LRRC1: variants seen among roughly 807,000 people sequenced by gnomAD.
LRRC1 encodes leucine-rich repeat-containing protein 1.
A neutral mutation model predicts 69.9 loss-of-function variants in LRRC1; 28 were observed. That is an observed-to-expected ratio of 0.40 (90% CI 0.30 to 0.55). The LOEUF (loss-of-function observed/expected upper bound fraction) is 0.55, where lower values mean the gene tolerates loss of function less well. LRRC1 is among the 20% of genes least tolerant of loss of function. The pLI, the probability that LRRC1 is intolerant of heterozygous loss-of-function variation, is 0.47. For missense variants in LRRC1, 498 were observed against 609.0 expected (o/e 0.82, Z 1.92); for synonymous variants, 236 against 240.2 (o/e 0.98, Z 0.16).
intron 10 of LRRC1, chr6:53,904,871 A>G (rs963392758): frequency 6.4e-6 from 1 of 156,406 alleles, no homozygotes; most frequent in Non-Finnish European, 1.4e-5. Context: ...TCTTGATGCA[A>G]CCATATTTCT....
intron 10 of LRRC1, among the ~76,000 whole-genome samples, chr6:53,908,619 T>TA (rs1293004528): frequency 6.6e-6 from 1 of 152,100 alleles, no homozygotes; most frequent in Non-Finnish European, 1.5e-5. Flanking sequence ...AAATAAGTCA[T>TA]AAAAAATAGT....
At position 53,822,442 on chromosome 6, in the gene LRRC1, G is replaced by A. The variant is rs1037068510; in HGVS notation, c.160-19668G>A. On this transcript the variant is annotated intron_variant, in intron 1 of 13. Transcript: ENST00000370888. ...CTATAGACTAACCCAGGAGGATAGC[G>A]TTAGCATTTTGAGAGCCAGGAAAGT... Among the ~76,000 whole-genome samples the A allele has an allele frequency of 5.3e-5, 8 of 152,188 alleles. No homozygotes were observed. The South Asian group carries it at 1.7e-3, about 32-fold the overall frequency.
In LRRC1 at chr6:53,919,540, G is replaced by A; in HGVS notation, c.1149G>A (p.Lys383=). The part of the protein sequence containing the change: ...LPLSLTALKL[K]ALWLSDNQSQ... ...TATCCCTGACTGCCTTGAAGTTGAA[G>A]GCTCTGTGGCTATCTGACAACCAGT... is the stretch of plus-strand genomic sequence containing the variant. The change falls in exon 12 of 14, where the codon AAG becomes AAA. Residue 383 remains lysine, a synonymous_variant. Transcript: ENST00000370888. 1 of 1,609,104 alleles carries A rather than the reference G, an allele frequency of 6.2e-7. No homozygotes were observed. The highest frequency in any genetic ancestry group is 8.5e-7 in the Non-Finnish European group (1 of 1,178,350).
intron 2 of LRRC1, among the ~76,000 whole-genome samples, chr6:53,848,468 CTGA>C (rs2127418398): frequency 6.6e-6 from 1 of 152,278 alleles, no homozygotes; most frequent in African/African-American, 2.4e-5. Context: ...ATTTCAAACG[CTGA>C]AAACGTTGGG....
At chr6:53,862,517 G>A (rs375479228) in intron 2 of LRRC1, among the ~76,000 whole-genome samples, 2 of 152,288 alleles carry the variant, frequency 1.3e-5, no homozygotes, top group East Asian at 1.9e-4. Context: ...CTCCGTGTGG[G>A]AGGAAAAGCT....
At chr6:53,861,408 G>A (rs1766514143) in intron 2 of LRRC1, among the ~76,000 whole-genome samples, 1 of 151,112 alleles carries the variant, frequency 6.6e-6, no homozygotes, top group Admixed American at 6.6e-5. Context: ...TTTAGAGGTT[G>A]CCATTAGACC....
chr6:53,841,699 A>T (rs1157471021), intron 1 of LRRC1, among the ~76,000 whole-genome samples: 1 of 152,060 alleles, frequency 6.6e-6, no homozygotes, highest in African/African-American at 2.4e-5. Flanking sequence ...TTTCTTTAAA[A>T]AATGTCTTTT....
At chr6:53,919,742 C>A in intron 12 of LRRC1, 72 bp downstream of exon 12, 1 of 1,328,078 alleles carries the variant, frequency 7.5e-7, no homozygotes, top group Non-Finnish European at 1.0e-6. Context: ...TCCATAAGGC[C>A]TCTTACTCCC....
chr6:53,885,887 G>A (rs542536727), intron 4 of LRRC1, among the ~76,000 whole-genome samples: 14 of 152,090 alleles, frequency 9.2e-5, no homozygotes, highest in African/African-American at 1.7e-4. Context: ...ACTGGACTAC[G>A]GCTCTCCAGG....
chr6:53,817,325 T>G (rs1764980044), intron 1 of LRRC1, among the ~76,000 whole-genome samples: 1 of 152,230 alleles, frequency 6.6e-6, no homozygotes, highest in Non-Finnish European at 1.5e-5. Context: ...ATTGACAGAT[T>G]ATAGTTGTAT....
chr6:53,891,103 T>G (rs1425750894), intron 4 of LRRC1, among the ~76,000 whole-genome samples: 1 of 152,212 alleles, frequency 6.6e-6, no homozygotes, highest in Non-Finnish European at 1.5e-5. Context: ...GTCCCTGCTA[T>G]TATGAACAGT....
At chr6:53,860,212 TA>T (rs1357743209) in intron 2 of LRRC1, among the ~76,000 whole-genome samples, 3 of 152,226 alleles carry the variant, frequency 2.0e-5, no homozygotes, top group Admixed American at 2.0e-4. Flanking sequence ...AATTTTCTCA[TA>T]ACAGTACGTC....
At chr6:53,828,273 A>G (rs1421057727) in intron 1 of LRRC1, among the ~76,000 whole-genome samples, 1 of 152,012 alleles carries the variant, frequency 6.6e-6, no homozygotes, top group African/African-American at 2.4e-5. Flanking sequence ...GAGCACAGAG[A>G]TCTAGTTGAG....
At chr6:53,900,737 A>G (rs1466359740) in intron 8 of LRRC1, among the ~76,000 whole-genome samples, 8 of 152,204 alleles carry the variant, frequency 5.3e-5, no homozygotes. Flanking sequence ...TTTCTTTACT[A>G]TGAAGGAACT....
intron 4 of LRRC1, among the ~76,000 whole-genome samples, chr6:53,891,410 A>G (rs372343909): frequency 2.4e-4 from 37 of 152,230 alleles, no homozygotes; most frequent in Admixed American, 1.8e-3. Context: ...ATACTGTGCA[A>G]TTGTTGAAAA....
At chr6:53,795,565 T>C (rs1764272498) in intron 1 of LRRC1, 150 bp downstream of exon 1, 1 of 732,756 alleles carries the variant, frequency 1.4e-6, no homozygotes, top group Non-Finnish European at 2.2e-6. Context: ...TCCCCCTGTC[T>C]CTTTACTTCC....
chr6:53,888,371 T>G (rs1767563235), intron 4 of LRRC1, among the ~76,000 whole-genome samples: 1 of 152,152 alleles, frequency 6.6e-6, no homozygotes, highest in Non-Finnish European at 1.5e-5. Context: ...CACAAAAAAG[T>G]ATAAAATTCT....
intron 1 of LRRC1, among the ~76,000 whole-genome samples, chr6:53,822,735 TTTC>T (rs1461022257): frequency 6.6e-6 from 1 of 152,212 alleles, no homozygotes; most frequent in East Asian, 1.9e-4. Context: ...CACTCAGTTT[TTTC>T]CTACTCTTGG....
intron 2 of LRRC1, among the ~76,000 whole-genome samples, chr6:53,872,530 CT>C (rs952734204): frequency 1.3e-5 from 2 of 151,590 alleles, no homozygotes; most frequent in African/African-American, 2.4e-5. Flanking sequence ...TAATAATTTC[CT>C]TTTTTTTGTA....
Sources: gnomAD v4.1 joint callset for allele counts (sites outside exome capture counted in the v4.1 genomes callset) on GRCh38, gnomAD v4.1.1 for gene constraint, MANE v1.5 for transcripts, NCBI Gene and HGNC (gene_info 2026-07-23, HGNC 2026-07-21) for gene names.